The following C2CD3 variants were observed in gnomAD, a reference collection of about 807,000 sequenced individuals.
The protein encoded by C2CD3 is C2 domain containing 3 centriole elongation regulator, also known as C2 domain-containing protein 3.
C2CD3 carries 148 observed loss-of-function variants against 234.0 expected under a neutral mutation model. The ratio of observed to expected loss-of-function variants is 0.63; its 90% confidence interval spans 0.55 to 0.72. The LOEUF is 0.72. Ranked by LOEUF, C2CD3 falls within the 30% of genes least tolerant of loss-of-function variation. The pLI, the probability that C2CD3 is intolerant of heterozygous loss-of-function variation, is 0.00. For missense variants in C2CD3, 2,577 were observed against 2,811.5 expected (o/e 0.92, Z 1.89); for synonymous variants, 1,000 against 1,035.4 (o/e 0.97, Z 0.66).
intron 2 of C2CD3, chr11:74,164,276 T>C: frequency 1.0e-6 from 1 of 960,686 alleles, no homozygotes; most frequent in Non-Finnish European, 1.2e-6. Flanking sequence ...AATCACGTAG[T>C]GTAGCCATAA....
In C2CD3 at chr11:74,093,898, G is replaced by T. The variant is rs1212975499; in HGVS notation, c.3262C>A (p.Pro1088Thr). ...GCACTTAGTAGGAGCCTTTGCACTG[G>T]AACCTCAGCTGGCAACAGGAGAGAG... is the stretch of plus-strand genomic sequence containing the variant. ...HHSLLLPAEV[P>T]VQRLLLSAFS... The change falls in exon 18 of 33, where the codon CCA (proline) becomes ACA (threonine). Residue 1088 changes from proline to threonine, a missense_variant. By Grantham distance (38) the Pro-to-Thr change is conservative (BLOSUM62 -1). Transcript: ENST00000334126. 6.2e-7 allele frequency: 1 copy of T among 1,613,948 alleles called. No homozygotes were observed. The highest frequency in any genetic ancestry group is 8.5e-7 in the Non-Finnish European group (1 of 1,179,944).
intron 14 of C2CD3, among the ~76,000 whole-genome samples, chr11:74,101,583 C>T (rs1167260222): frequency 6.6e-6 from 1 of 152,146 alleles, no homozygotes; most frequent in Non-Finnish European, 1.5e-5. Flanking sequence ...ACCTAACCTC[C>T]AAATAAGGAA....
At chr11:74,048,393 A>C in intron 27 of C2CD3, 55 bp from the exon 28 acceptor site, 1 of 1,575,860 alleles carries the variant, frequency 6.3e-7, no homozygotes, top group Non-Finnish European at 8.7e-7. Flanking sequence ...CATTCGTAAC[A>C]AAGCAGTATA....
rs186985242 is a variant in C2CD3 at position 74,069,961 on chromosome 11, A to C, written c.4951+4292T>G. 4.0e-3 allele frequency among the ~76,000 whole-genome samples: 607 copies of C among 152,342 alleles called. 5 individuals carry two copies. Among genetic ancestry groups the C allele is most frequent in the Middle Eastern group, 0.031 (9 of 294 alleles). On this transcript the variant is annotated intron_variant, in intron 24 of 32. Transcript: ENST00000334126. ...ATAATTACAACCCAATAAGATAAAG[A>C]CTATGCTAAAAGCACATGGGAACCC... is the stretch of plus-strand genomic sequence containing the variant.
intron 16 of C2CD3, among the ~76,000 whole-genome samples, chr11:74,096,165 TAGTAAC>T (rs148897285): frequency 6.8e-4 from 104 of 152,284 alleles, no homozygotes; most frequent in African/African-American, 2.5e-3. Context: ...CATGCAGAGC[TAGTAAC>T]AGTGGAACCA....
intron 31 of C2CD3, among the ~76,000 whole-genome samples, chr11:74,028,868 T>C (rs954718598): frequency 3.3e-5 from 5 of 152,206 alleles, no homozygotes; most frequent in Non-Finnish European, 5.9e-5. Context: ...GAAAAAGACC[T>C]ATTAGAAGTC....
intron 4 of C2CD3, 23 bp from the exon 5 acceptor site, chr11:74,138,990 C>T (rs1470924686): frequency 6.3e-7 from 1 of 1,579,870 alleles, no homozygotes; most frequent in African/African-American, 1.4e-5. Context: ...AAAGGGAGAA[C>T]ATCAGCAATA....
At chr11:74,155,035 T>C (rs922322863) in intron 3 of C2CD3, among the ~76,000 whole-genome samples, 1 of 152,220 alleles carries the variant, frequency 6.6e-6, no homozygotes, top group Non-Finnish European at 1.5e-5. Context: ...AAATGGTCTT[T>C]GACAGCAGCC....
chr11:74,160,386 C>G (rs538459631), intron 3 of C2CD3, among the ~76,000 whole-genome samples: 1 of 151,934 alleles, frequency 6.6e-6, no homozygotes, highest in African/African-American at 2.4e-5. Flanking sequence ...TATATATACA[C>G]GATGGAATAC....
At chr11:74,036,389 T>C (rs905363931) in intron 30 of C2CD3, 4 of 455,180 alleles carry the variant, frequency 8.8e-6, no homozygotes, top group Non-Finnish European at 1.3e-5. Flanking sequence ...CTGGCACAGA[T>C]GGTGCTCAAT....
intron 15 of C2CD3, among the ~76,000 whole-genome samples, chr11:74,098,925 T>A (rs1460301609): frequency 6.6e-6 from 1 of 152,224 alleles, no homozygotes; most frequent in Non-Finnish European, 1.5e-5. Flanking sequence ...TTGTCATTTT[T>A]AAAACGTACG....
intron 9 of C2CD3, among the ~76,000 whole-genome samples, chr11:74,115,063 C>T (rs1956877903): frequency 6.6e-6 from 1 of 151,362 alleles, no homozygotes; most frequent in Non-Finnish European, 1.5e-5. Context: ...GAATTCTGGT[C>T]CTATAGTACA....
At chr11:74,149,312 C>T (rs73561887) in intron 3 of C2CD3, among the ~76,000 whole-genome samples, 2,652 of 152,178 alleles carry the variant, frequency 0.017, 78 homozygotes, top group African/African-American at 0.061. Flanking sequence ...TCCTTTCCTG[C>T]ACAACATTTT....
At chr11:74,144,135 AAAAC>A (rs1232736142) in intron 3 of C2CD3, among the ~76,000 whole-genome samples, 4 of 152,252 alleles carry the variant, frequency 2.6e-5, no homozygotes, top group Non-Finnish European at 5.9e-5. Context: ...CATTAATTTC[AAAAC>A]AAACAAAAGA....
chr11:74,017,324 G>A (rs1951916022), intron 32 of C2CD3, among the ~76,000 whole-genome samples: 1 of 152,206 alleles, frequency 6.6e-6, no homozygotes, highest in Non-Finnish European at 1.5e-5. Flanking sequence ...AAGCACGGCA[G>A]TAGGCCAGGG....
chr11:74,089,034 G>T lies in C2CD3; in HGVS notation c.3641+1779C>A, dbSNP rs183809469. Among the ~76,000 whole-genome samples, 469 of 152,192 alleles carry T rather than the reference G, an allele frequency of 3.1e-3. 3 individuals are homozygous for T. The highest frequency in any genetic ancestry group is 6.8e-3 in the Middle Eastern group (2 of 294). On this transcript the variant is annotated intron_variant, in intron 20 of 32. Transcript: ENST00000334126. ...ATATCTTAGAATATATTTTGTATAT[G>T]AGTATAGCAGTACATGAAGATGATT...
At chr11:74,018,360 C>T (rs1251194668) in intron 32 of C2CD3, among the ~76,000 whole-genome samples, 1 of 152,170 alleles carries the variant, frequency 6.6e-6, no homozygotes, top group Non-Finnish European at 1.5e-5. Context: ...CTGAGGTAAG[C>T]AGTGCTAGAC....
At chr11:74,061,383 T>C (rs921524644) in intron 24 of C2CD3, among the ~76,000 whole-genome samples, 1 of 151,642 alleles carries the variant, frequency 6.6e-6, no homozygotes, top group East Asian at 1.9e-4. Flanking sequence ...AGAGAAAGGT[T>C]GGGTTACCCA....
chr11:74,111,967 CACATAT>C (rs1182308829), intron 11 of C2CD3, among the ~76,000 whole-genome samples: 105 of 86,832 alleles, frequency 1.2e-3, no homozygotes, highest in African/African-American at 4.4e-3. Context: ...CACACACACA[CACATAT>C]ATATATACAC....
Sources: allele counts gnomAD v4.1 joint callset (sites outside exome capture counted in the v4.1 genomes callset), GRCh38; gene constraint gnomAD v4.1.1; transcripts MANE v1.5; gene names NCBI Gene and HGNC (gene_info 2026-07-23, HGNC 2026-07-21).